The following MPP7 variants were observed in gnomAD, a reference collection of about 807,000 sequenced individuals.
MPP7 encodes MAGUK p55 subfamily member 7.
A neutral mutation model predicts 76.5 loss-of-function variants in MPP7; 60 were observed. That is an observed-to-expected ratio of 0.78 (90% CI 0.64 to 0.97). The LOEUF (loss-of-function observed/expected upper bound fraction) is 0.97, where lower values mean the gene tolerates loss of function less well. Among genes scored for constraint, MPP7 ranks in the 50% least tolerant of loss-of-function variants. The pLI, the probability that MPP7 is intolerant of heterozygous loss-of-function variation, is 0.00. For synonymous variants in MPP7, 237 were observed against 244.5 expected, an observed-to-expected ratio of 0.97 and a Z score of 0.29; for missense variants, 641 against 694.0, an observed-to-expected ratio of 0.92 and a Z score of 0.86.
chr10:28,076,887 G>GAA (rs757961305), intron 12 of MPP7, among the ~76,000 whole-genome samples: 12 of 132,260 alleles, frequency 9.1e-5, no homozygotes, highest in East Asian at 2.1e-4. Flanking sequence ...GACTCCGTCT[G>GAA]AAAAAAAAAA....
intron 1 of MPP7, among the ~76,000 whole-genome samples, chr10:28,249,877 A>G (rs1324390167): frequency 1.3e-5 from 2 of 152,170 alleles, no homozygotes; most frequent in Non-Finnish European, 1.5e-5. Flanking sequence ...AGCATGGGCC[A>G]TTGTTTTAGC....
chr10:28,317,898 C>G (rs1834337434), intron 2 of MPP7, among the ~76,000 whole-genome samples: 1 of 152,194 alleles, frequency 6.6e-6, no homozygotes, highest in African/African-American at 2.4e-5. Context: ...TCGATTAGAG[C>G]AAGACACTTC....
Position 28,125,100 on chromosome 10 carries a change from A to G in MPP7, c.448-9T>C, listed in dbSNP as rs1268884271. The G allele has an allele frequency of 1.2e-6, 2 of 1,612,366 alleles. No individual in the cohort carries two copies. The highest frequency in any genetic ancestry group is 2.2e-5 in the East Asian group (1 of 44,836). ...TTCTTAATGGTAGCTCCCTTTTAAG[A>G]CAAAAACAAAAAGCATTTGTGGGTA... On this transcript the variant is annotated splice_polypyrimidine_tract_variant and intron_variant, in intron 6 of 16. Transcript: ENST00000683449.
chr10:28,255,850 T>C (rs1839767690), intron 1 of MPP7, among the ~76,000 whole-genome samples: 1 of 152,178 alleles, frequency 6.6e-6, no homozygotes, highest in Admixed American at 6.5e-5. Context: ...TATGAATATG[T>C]CAAGTACTCA....
chr10:28,223,742 T>A (rs898106162), intron 2 of MPP7, among the ~76,000 whole-genome samples: 1 of 152,036 alleles, frequency 6.6e-6, no homozygotes, highest in African/African-American at 2.4e-5. Flanking sequence ...GAGTCTCAAG[T>A]GTTATAAGGC....
Position 28,169,233 on chromosome 10 carries a change from A to G in MPP7, c.157-19174T>C, listed in dbSNP as rs547309798. On this transcript the variant is annotated intron_variant, in intron 3 of 16. Coordinates refer to ENST00000683449, the MANE Select transcript of MPP7 (RefSeq NM_001318170.2). ...TAGCCAGGCATAGTGGTCCGAGCCT[A>G]TAATCCTCACTACTTGGTAGGCTGA... Among the ~76,000 whole-genome samples, 15 of 152,250 alleles carry G rather than the reference A, an allele frequency of 9.9e-5. No individual in the cohort carries two copies. In the South Asian group the frequency reaches 2.5e-3, roughly 25 times the overall value.
At chr10:28,246,152 C>A (rs988281593) in intron 1 of MPP7, among the ~76,000 whole-genome samples, 11 of 151,984 alleles carry the variant, frequency 7.2e-5, no homozygotes, top group African/African-American at 2.7e-4. Flanking sequence ...CATGCTAAGA[C>A]ATATTATAAT....
At chr10:28,263,365 A>C (rs1840050355) in intron 1 of MPP7, among the ~76,000 whole-genome samples, 1 of 152,194 alleles carries the variant, frequency 6.6e-6, no homozygotes, top group Non-Finnish European at 1.5e-5. Flanking sequence ...TCTGCAAATA[A>C]ATATTCAGAA....
At chr10:28,233,839 C>A (rs1408602836) in intron 2 of MPP7, among the ~76,000 whole-genome samples, 1 of 151,404 alleles carries the variant, frequency 6.6e-6, no homozygotes, top group Non-Finnish European at 1.5e-5. Context: ...GAGTTTGAGA[C>A]CAGCCTGGGC....
At chr10:28,331,790 G>A (rs968636518) in intron 1 of MPP7, among the ~76,000 whole-genome samples, 1 of 152,116 alleles carries the variant, frequency 6.6e-6, no homozygotes, top group Non-Finnish European at 1.5e-5. Context: ...GGCCAGGCTG[G>A]TCTTGAACTC....
At chr10:28,290,407 C>A (rs1840889157) in intron 1 of MPP7, among the ~76,000 whole-genome samples, 1 of 150,154 alleles carries the variant, frequency 6.7e-6, no homozygotes, top group African/African-American at 2.5e-5. Context: ...TATGGCCAGT[C>A]TTACTTTATC....
At chr10:28,158,073 G>A (rs1357866174) in intron 3 of MPP7, among the ~76,000 whole-genome samples, 2 of 152,100 alleles carry the variant, frequency 1.3e-5, no homozygotes, top group Non-Finnish European at 1.5e-5. Flanking sequence ...AGTGATAAGT[G>A]GACATATAAA....
At chr10:28,300,375 C>A (rs1378400245) in intron 1 of MPP7, among the ~76,000 whole-genome samples, 10 of 152,220 alleles carry the variant, frequency 6.6e-5, no homozygotes, top group Non-Finnish European at 1.5e-5. Context: ...CAGTGTCCCA[C>A]AATGCAAGAG....
chr10:28,312,013 G>C (rs1363091866), intron 2 of MPP7, among the ~76,000 whole-genome samples: 2 of 152,042 alleles, frequency 1.3e-5, no homozygotes, highest in East Asian at 3.9e-4. Flanking sequence ...CAGGTTTACG[G>C]TCTGGCTGAC....
intron 2 of MPP7, among the ~76,000 whole-genome samples, chr10:28,220,256 T>C (rs1055277689): frequency 2.6e-5 from 4 of 152,172 alleles, no homozygotes; most frequent in Admixed American, 6.5e-5. Flanking sequence ...AAGTATTCTC[T>C]ACTACCAAAA....
intron 2 of MPP7, among the ~76,000 whole-genome samples, chr10:28,210,651 G>A (rs1268564859): frequency 6.6e-6 from 1 of 152,194 alleles, no homozygotes; most frequent in African/African-American, 2.4e-5. Flanking sequence ...GACACATAAA[G>A]ATGTTTTGAG....
intron 5 of MPP7, among the ~76,000 whole-genome samples, chr10:28,140,521 A>G (rs761843549): frequency 7.6e-5 from 11 of 143,936 alleles, no homozygotes; most frequent in African/African-American, 2.3e-4. Context: ...AAAAAAAAAG[A>G]AAAAAAAATA....
intron 3 of MPP7, among the ~76,000 whole-genome samples, chr10:28,200,355 C>T (rs1250070137): frequency 1.3e-5 from 2 of 152,162 alleles, no homozygotes; most frequent in African/African-American, 2.4e-5. Context: ...TTTGAAAATA[C>T]ATTTTACAGC....
chr10:28,241,576 C>T lies in MPP7; in HGVS notation c.-131-2841G>A, dbSNP rs146049861. ...GAAAATGCTTTGGAATTTGTCGGAA[C>T]GCAGCCATAATTATTACTGACTGTT... On this transcript the variant is annotated intron_variant, in intron 1 of 16. Transcript: ENST00000683449. Among the ~76,000 whole-genome samples, 23 of 152,200 alleles carry T rather than the reference C, an allele frequency of 1.5e-4. No individual in the cohort carries two copies. The East Asian group carries it at 3.5e-3, about 23-fold the overall frequency.
Sources: allele counts gnomAD v4.1 joint callset (sites outside exome capture counted in the v4.1 genomes callset), GRCh38; gene constraint gnomAD v4.1.1; transcripts MANE v1.5; gene names NCBI Gene and HGNC (gene_info 2026-07-23, HGNC 2026-07-21).